GRM8: variants seen among roughly 807,000 people sequenced by gnomAD.
The protein encoded by GRM8 is metabotropic glutamate receptor 8.
In GRM8, 47 loss-of-function variants were observed where a neutral mutation model predicts 87.2. That is an observed-to-expected ratio of 0.54 (90% CI 0.43 to 0.69). The LOEUF (loss-of-function observed/expected upper bound fraction) is 0.69, where lower values mean the gene tolerates loss of function less well. GRM8 is among the 30% of genes least tolerant of loss of function. The pLI is 0.00. For missense variants in GRM8, 1,019 were observed against 1,139.2 expected (o/e 0.89, Z 1.52); for synonymous variants, 396 against 404.5 (o/e 0.98, Z 0.25).
At chr7:126,630,854 A>G (rs1246254064) in intron 7 of GRM8, among the ~76,000 whole-genome samples, 1 of 152,166 alleles carries the variant, frequency 6.6e-6, no homozygotes, top group Non-Finnish European at 1.5e-5. Context: ...AACTCTCAAT[A>G]AACTAGGTAT....
At chr7:126,708,462 T>C (rs1030597650) in intron 7 of GRM8, among the ~76,000 whole-genome samples, 1 of 151,900 alleles carries the variant, frequency 6.6e-6, no homozygotes, top group African/African-American at 2.4e-5. Flanking sequence ...ATAGTGAAGA[T>C]ATGGAATCAG....
intron 3 of GRM8, among the ~76,000 whole-genome samples, chr7:127,013,764 G>A (rs1268947294): frequency 1.3e-5 from 2 of 152,100 alleles, no homozygotes; most frequent in Admixed American, 1.3e-4. Context: ...TGTGAACTAA[G>A]AGGGAACTCT....
intron 3 of GRM8, among the ~76,000 whole-genome samples, chr7:127,012,369 C>A (rs1814982249): frequency 6.6e-6 from 1 of 152,066 alleles, no homozygotes; most frequent in South Asian, 2.1e-4. Flanking sequence ...CAAAGAAGAG[C>A]AAGTCTCTCA....
intron 9 of GRM8, among the ~76,000 whole-genome samples, chr7:126,507,222 T>C (rs534319067): frequency 3.3e-5 from 5 of 152,148 alleles, no homozygotes; most frequent in Non-Finnish European, 7.4e-5. Flanking sequence ...GGCAATATGC[T>C]TTCTGATAAA....
At chr7:126,712,074 T>A (rs1037865290) in intron 7 of GRM8, among the ~76,000 whole-genome samples, 1 of 152,238 alleles carries the variant, frequency 6.6e-6, no homozygotes, top group Non-Finnish European at 1.5e-5. Flanking sequence ...ACAAGAGGCT[T>A]AGCTTTCGCC....
intron 7 of GRM8, among the ~76,000 whole-genome samples, chr7:126,671,261 G>A (rs1806355330): frequency 6.6e-6 from 1 of 152,142 alleles, no homozygotes. Flanking sequence ...CAACTCACGG[G>A]TATTTGACAA....
intron 6 of GRM8, among the ~76,000 whole-genome samples, chr7:126,819,026 T>G (rs1794044723): frequency 6.6e-6 from 1 of 152,092 alleles, no homozygotes; most frequent in Non-Finnish European, 1.5e-5. Context: ...TCAGGCCCCC[T>G]TCAGCTCTCA....
intron 7 of GRM8, among the ~76,000 whole-genome samples, chr7:126,689,938 C>T (rs1033488811): frequency 6.6e-6 from 1 of 152,040 alleles, no homozygotes; most frequent in Non-Finnish European, 1.5e-5. Context: ...TGTGTTTAAG[C>T]TGTAAAGTGG....
chr7:126,751,516 G>C (rs922301889), intron 7 of GRM8, among the ~76,000 whole-genome samples: 3 of 152,010 alleles, frequency 2.0e-5, no homozygotes, highest in Non-Finnish European at 4.4e-5. Context: ...ATTAATTGGA[G>C]CTGTGTAAGC....
chr7:126,807,951 C>T (rs902557096), intron 6 of GRM8, among the ~76,000 whole-genome samples: 1 of 152,032 alleles, frequency 6.6e-6, no homozygotes, highest in Non-Finnish European at 1.5e-5. Flanking sequence ...CAAAAATGGA[C>T]CGGAATGACT....
Position 126,790,830 on chromosome 7 carries a change from C to A in GRM8, c.1157-20765G>T, listed in dbSNP as rs557486023. 5.3e-5 allele frequency among the ~76,000 whole-genome samples: 8 copies of A among 152,192 alleles called. No homozygotes were observed. In the South Asian group the frequency reaches 1.5e-3, roughly 28 times the overall value. ...TAAAGTGTGGATGCAGACAGTAATG[C>A]CTGGTGACTGGGTCGGTGAGAATCC... is the stretch of plus-strand genomic sequence containing the variant. On this transcript the variant is annotated intron_variant, in intron 6 of 10. Transcript: ENST00000339582.
At chr7:126,737,519 A>G (rs973876431) in intron 7 of GRM8, among the ~76,000 whole-genome samples, 12 of 151,846 alleles carry the variant, frequency 7.9e-5, no homozygotes, top group Non-Finnish European at 1.5e-4. Flanking sequence ...CTCTTTCTCT[A>G]TCGTAATTCC....
intron 3 of GRM8, among the ~76,000 whole-genome samples, chr7:126,950,988 C>T (rs549720279): frequency 4.6e-5 from 7 of 151,676 alleles, no homozygotes; most frequent in South Asian, 2.1e-4. Context: ...AGTCTGTTAA[C>T]GTGGCACACC....
intron 2 of GRM8, among the ~76,000 whole-genome samples, chr7:127,198,273 G>T (rs540513683): frequency 2.2e-4 from 34 of 152,214 alleles, no homozygotes; most frequent in Admixed American, 1.0e-3. Context: ...TCCTTACTGT[G>T]CTATTGAATA....
At chr7:126,441,884 G>A (rs933990543) in intron 10 of GRM8, among the ~76,000 whole-genome samples, 1 of 151,870 alleles carries the variant, frequency 6.6e-6, no homozygotes, top group African/African-American at 2.4e-5. Flanking sequence ...AAAAATAGTT[G>A]ACATATCTGC....
rs552436078 is a variant in GRM8, at chr7:127,219,130, C to T, written c.510+23565G>A. On this transcript the variant is annotated intron_variant, in intron 2 of 10. Transcript: ENST00000339582. ...AGAACTGCTCTTTATGGCCTGCTTTCCAAGTGCCCTCTTGACATAGAAGAA... is the reference window on the plus strand; with the variant it reads ...AGAACTGCTCTTTATGGCCTGCTTTTCAAGTGCCCTCTTGACATAGAAGAA... Among the ~76,000 whole-genome samples, 10 of 145,156 alleles carry T rather than the reference C, an allele frequency of 6.9e-5. 1 individual carries two copies. The highest frequency in any genetic ancestry group is 1.8e-4 in the African/African-American group (7 of 38,838).
intron 7 of GRM8, 53 bp from the exon 8 acceptor site, chr7:126,609,551 G>A: frequency 1.4e-6 from 2 of 1,406,692 alleles, no homozygotes; most frequent in Non-Finnish European, 2.0e-6. Flanking sequence ...ATAGCCCACT[G>A]GGTTTATTTT....
chr7:127,150,871 A>G (rs1828822538), intron 2 of GRM8, among the ~76,000 whole-genome samples: 1 of 152,024 alleles, frequency 6.6e-6, no homozygotes, highest in African/African-American at 2.4e-5. Flanking sequence ...GTTAGTACAC[A>G]CCTGTATCTG....
Position 127,126,521 on chromosome 7 carries a change from C to T in GRM8, c.511-19809G>A, listed in dbSNP as rs147197228. 3.4e-3 allele frequency among the ~76,000 whole-genome samples: 518 copies of T among 151,886 alleles called. 4 individuals carry two copies. Among genetic ancestry groups the T allele is most frequent in the African/African-American group, 0.012 (495 of 41,470 alleles). ...GTGATGAAAAATTAGTTAATGGGTACAATGAACATTATTCAGGTGATGGAT... is the reference window on the plus strand; with the variant it reads ...GTGATGAAAAATTAGTTAATGGGTATAATGAACATTATTCAGGTGATGGAT... On this transcript the variant is annotated intron_variant, in intron 2 of 10. Transcript: ENST00000339582.
Sources: gnomAD v4.1 joint callset for allele counts (sites outside exome capture counted in the v4.1 genomes callset) on GRCh38, gnomAD v4.1.1 for gene constraint, MANE v1.5 for transcripts, NCBI Gene and HGNC (gene_info 2026-07-23, HGNC 2026-07-21) for gene names.